Variants in BOC observed in about 807,000 individuals in gnomAD.
BOC encodes BOC cell adhesion associated, oncogene regulated.
Under a neutral mutation model 112.0 loss-of-function variants are expected in BOC, and 76 were observed. That is an observed-to-expected ratio of 0.68 (90% CI 0.56 to 0.82). The LOEUF is 0.82. BOC is among the 40% of genes least tolerant of loss of function. BOC has a pLI of 0.00. For synonymous variants in BOC, 580 were observed against 599.8 expected, an observed-to-expected ratio of 0.97 and a Z score of 0.48; for missense variants, 1,309 against 1,511.7, an observed-to-expected ratio of 0.87 and a Z score of 2.22.
chr3:113,276,844 G>A (rs188670323), intron 9 of BOC, among the ~76,000 whole-genome samples: 20 of 152,286 alleles, frequency 1.3e-4, no homozygotes, highest in African/African-American at 4.3e-4. Flanking sequence ...GGTTTTGTTC[G>A]ACTTTGGAAT....
chr3:113,217,256 C>T (rs1226649563), intron 2 of BOC, among the ~76,000 whole-genome samples: 1 of 152,206 alleles, frequency 6.6e-6, no homozygotes, highest in Non-Finnish European at 1.5e-5. Context: ...TGGCTCATGC[C>T]TGTAATCGCA....
intron 9 of BOC, among the ~76,000 whole-genome samples, chr3:113,277,469 G>A (rs3846046): frequency 0.21 from 31,470 of 152,122 alleles, 3,866 homozygotes; most frequent in East Asian, 0.44. Context: ...TCAAGTCACC[G>A]TTTTGGTGCT....
intron 2 of BOC, among the ~76,000 whole-genome samples, chr3:113,249,029 G>T (rs1945288427): frequency 6.6e-6 from 1 of 152,166 alleles, no homozygotes; most frequent in Non-Finnish European, 1.5e-5. Flanking sequence ...AGGGGTCTTG[G>T]CTGGCTTATG....
intron 4 of BOC, among the ~76,000 whole-genome samples, chr3:113,264,823 G>A (rs1037327424): frequency 6.6e-6 from 1 of 152,194 alleles, no homozygotes; most frequent in African/African-American, 2.4e-5. Flanking sequence ...CACGGGGGGA[G>A]GGGGGATAGA....
intron 2 of BOC, among the ~76,000 whole-genome samples, chr3:113,228,431 C>T (rs144169711): frequency 6.6e-6 from 1 of 152,104 alleles, no homozygotes; most frequent in Non-Finnish European, 1.5e-5. Context: ...CAGAACTGCT[C>T]TCTGTGCCTG....
chr3:113,250,513 TG>T (rs760898536), intron 3 of BOC, 41 bp from the exon 4 acceptor site: 1 of 1,554,246 alleles, frequency 6.4e-7, no homozygotes, highest in Non-Finnish European at 8.7e-7. Flanking sequence ...GTTGTTTTCT[TG>T]GGGGCATCAG....
intron 4 of BOC, among the ~76,000 whole-genome samples, chr3:113,252,382 G>A (rs1945742032): frequency 6.6e-6 from 1 of 152,164 alleles, no homozygotes; most frequent in South Asian, 2.1e-4. Flanking sequence ...CATCACCCTT[G>A]TGGATGACGT....
chr3:113,228,058 C>T (rs1239454624), intron 2 of BOC, among the ~76,000 whole-genome samples: 3 of 152,112 alleles, frequency 2.0e-5, no homozygotes, highest in African/African-American at 7.2e-5. Flanking sequence ...GCGATTGTTC[C>T]CTGGTGCTCT....
Position 113,270,838 on chromosome 3 carries a change from T to C in BOC, c.561T>C (p.Ile187=). The change falls in exon 6 of 20, where the codon ATT becomes ATC. Residue 187 remains isoleucine, a synonymous_variant. Transcript: ENST00000682979. ...TCATGCCCTCAGGGAACCTCCAGATTGTGAATGCCAGCCAGGAGGACGAGG... is the reference window on the plus strand; with the variant it reads ...TCATGCCCTCAGGGAACCTCCAGATCGTGAATGCCAGCCAGGAGGACGAGG... ...YLIMPSGNLQ[I]VNASQEDEGM... is the part of the protein sequence containing the mutation. 6.2e-7 allele frequency: 1 copy of C among 1,613,932 alleles called. No individual in the cohort carries two copies. Among genetic ancestry groups the C allele is most frequent in the Non-Finnish European group, 8.5e-7 (1 of 1,179,892 alleles).
chr3:113,272,782 T>C, intron 7 of BOC, 79 bp downstream of exon 7: 1 of 1,510,142 alleles, frequency 6.6e-7, no homozygotes, highest in Non-Finnish European at 9.0e-7. Context: ...TAACCCAGGC[T>C]CACAAAGGGT....
Position 113,244,795 on chromosome 3 carries a change from T to C in BOC, c.-81-4927T>C, listed in dbSNP as rs188657169. Among the ~76,000 whole-genome samples the C allele has an allele frequency of 6.6e-5, 10 of 152,366 alleles. No individual in the cohort carries two copies. The East Asian group carries it at 1.7e-3, about 26-fold the overall frequency. On this transcript the variant is annotated intron_variant, in intron 2 of 19. Transcript: ENST00000682979. Reference sequence around the variant, plus strand: ...ATGATCACACAGAAAGTTACTGTTATAGATAATGATCCAGGTAACATTATT... The same window carrying C: ...ATGATCACACAGAAAGTTACTGTTACAGATAATGATCCAGGTAACATTATT...
At chr3:113,218,452 T>C (rs1040590925) in intron 2 of BOC, among the ~76,000 whole-genome samples, 6 of 152,238 alleles carry the variant, frequency 3.9e-5, no homozygotes, top group Non-Finnish European at 8.8e-5. Flanking sequence ...CTTGTGACTA[T>C]CATTTCATAG....
chr3:113,243,388 T>A (rs1285040195), intron 2 of BOC, among the ~76,000 whole-genome samples: 1 of 152,242 alleles, frequency 6.6e-6, no homozygotes, highest in Non-Finnish European at 1.5e-5. Flanking sequence ...TCATTAGTGA[T>A]GATACTAATC....
chr3:113,256,633 G>A (rs1278878120), intron 4 of BOC, among the ~76,000 whole-genome samples: 1 of 152,160 alleles, frequency 6.6e-6, no homozygotes, highest in Non-Finnish European at 1.5e-5. Context: ...GGTTCTGACT[G>A]TGAACTAGAA....
intron 2 of BOC, among the ~76,000 whole-genome samples, chr3:113,239,672 T>C (rs920831044): frequency 6.6e-6 from 1 of 152,222 alleles, no homozygotes; most frequent in African/African-American, 2.4e-5. Flanking sequence ...GCATACTTGG[T>C]GCCCAGAAGC....
At chr3:113,227,766 C>T (rs1330394501) in intron 2 of BOC, among the ~76,000 whole-genome samples, 2 of 151,914 alleles carry the variant, frequency 1.3e-5, no homozygotes, top group Non-Finnish European at 2.9e-5. Flanking sequence ...AAAACTTTAC[C>T]CTTTAAAAAC....
At position 113,272,405 on chromosome 3, in the gene BOC, T is replaced by A. The variant is rs369583498; in HGVS notation, c.668-5T>A. ...CTTCTGTCCTTGCCCTCCTTGCCCC[T>A]CCAGGCTCCACCGCTGAGGCTGCCC... On this transcript the variant is annotated splice_region_variant and splice_polypyrimidine_tract_variant and intron_variant, in intron 6 of 19. Transcript: ENST00000682979. The A allele has an allele frequency of 3.5e-5, 56 of 1,612,234 alleles. No homozygotes were observed. The highest frequency in any genetic ancestry group is 3.4e-4 in the South Asian group (31 of 91,030).
At chr3:113,282,557 G>A (rs1487224202) in intron 15 of BOC, among the ~76,000 whole-genome samples, 1 of 152,222 alleles carries the variant, frequency 6.6e-6, no homozygotes, top group Non-Finnish European at 1.5e-5. Context: ...ACTCTTTGGA[G>A]ACATTGAAAT....
intron 19 of BOC, among the ~76,000 whole-genome samples, chr3:113,285,857 G>T (rs1362440032): frequency 6.6e-6 from 1 of 152,174 alleles, no homozygotes; most frequent in Non-Finnish European, 1.5e-5. Flanking sequence ...GCCCTTTTTG[G>T]TCTGTGCATT....
Sources: allele counts gnomAD v4.1 joint callset (sites outside exome capture counted in the v4.1 genomes callset), GRCh38; gene constraint gnomAD v4.1.1; transcripts MANE v1.5; gene names NCBI Gene and HGNC (gene_info 2026-07-23, HGNC 2026-07-21).